Variants in DHX30 observed in about 807,000 individuals in gnomAD.
The protein encoded by DHX30 is DExH-box helicase 30, also known as ATP-dependent RNA helicase DHX30.
DHX30 carries 4 observed loss-of-function variants against 116.9 expected under a neutral mutation model. That is an observed-to-expected ratio of 0.03 (90% CI 0.02 to 0.08). DHX30 has a LOEUF of 0.08. Among genes scored for constraint, DHX30 ranks in the 10% least tolerant of loss-of-function variants. The pLI is 1.00. For missense variants in DHX30, 871 were observed against 1,595.1 expected (o/e 0.55, Z 7.73); for synonymous variants, 697 against 651.7 (o/e 1.07, Z -1.06).
chr3:47,848,793 A>G lies in DHX30; in HGVS notation c.2745A>G (p.Leu915=), dbSNP rs2037741457. The change falls in exon 17 of 22, where the codon CTA becomes CTG. Residue 915 remains leucine (L), a synonymous_variant. Transcript: ENST00000445061. The surrounding 1 kb of genome is among the most constrained non-coding windows in gnomAD (Gnocchi z 9.4). Reference sequence around the variant, plus strand: ...CCCGGGACCCCTTCAGCAGCAGCCTACAGAACCGGGCAGAGGTGGACAAGG... The same window carrying G: ...CCCGGGACCCCTTCAGCAGCAGCCTGCAGAACCGGGCAGAGGTGGACAAGG... ...CLTRDPFSSS[L]QNRAEVDKVK... is the part of the protein sequence containing the mutation. 6.2e-7 allele frequency: 1 copy of G among 1,613,516 alleles called. No homozygotes were observed. The highest frequency in any genetic ancestry group is 1.3e-5 in the African/African-American group (1 of 74,880).
intron 2 of DHX30, among the ~76,000 whole-genome samples, chr3:47,807,768 AT>A (rs932984069): frequency 1.3e-4 from 19 of 147,402 alleles, no homozygotes; most frequent in South Asian, 2.1e-4. Flanking sequence ...TAACTTACAA[AT>A]TTTTTTTTTA....
chr3:47,842,825 C>T lies in DHX30; in HGVS notation c.790-281C>T, dbSNP rs577508218. 26 of 332,804 alleles carry T rather than the reference C, an allele frequency of 7.8e-5. 1 individual carries two copies. In the South Asian group the frequency reaches 1.1e-3, roughly 14 times the overall value. The allele number at this position is 332,804 out of a possible 1,614,324, so 20.6% of individuals were successfully genotyped here. A position where few individuals can be genotyped will look rare whatever the true frequency, so the allele number is the denominator to read the frequency against. ...CAACCCACAGCTGCCACGATGTTGC[C>T]GAGATGACAGTGGGCTAGGAGGGCA... On this transcript the variant is annotated intron_variant, in intron 8 of 21. Coordinates refer to ENST00000445061, the MANE Select transcript of DHX30 (RefSeq NM_138615.3).
chr3:47,819,646 T>C (rs1275482415), intron 4 of DHX30, among the ~76,000 whole-genome samples: 1 of 152,184 alleles, frequency 6.6e-6, no homozygotes, highest in Non-Finnish European at 1.5e-5. Context: ...AGGAGATGTG[T>C]TGCAGCAACA....
chr3:47,849,897 G>A lies in DHX30; in HGVS notation c.3362G>A (p.Ser1121Asn), dbSNP rs770438851. 2 of 1,613,510 alleles carry A rather than the reference G, an allele frequency of 1.2e-6. No individual in the cohort carries two copies. Among genetic ancestry groups the A allele is most frequent in the South Asian group, 2.2e-5 (2 of 91,024 alleles). ...GGGCGCCGGGCCACCATCTCACTGA[G>A]CGACAGTGACCTGCTGCGGCTGGAG... is the stretch of plus-strand genomic sequence containing the variant. ...DDGRRATISL[S>N]DSDLLRLEGD... Residue 1121 changes from serine to asparagine, a missense_variant, in exon 22 of 22, where the codon AGC becomes AAC. By Grantham distance (46) the Ser-to-Asn change is conservative. Around this residue, in one of 13 missense-constraint regions of DHX30, gnomAD observed 238 missense variants for 481.0 expected, o/e 0.49. Transcript: ENST00000445061.
Position 47,841,060 on chromosome 3 carries a change from T to G in DHX30, c.550T>G (p.Ser184Ala). The change falls in exon 7 of 22, where the codon TCT (serine) becomes GCT (alanine). Residue 184 changes from serine to alanine, a missense_variant. By Grantham distance (99) the Ser-to-Ala change is moderately conservative. This residue lies in a region of DHX30 where 109 missense variants were observed against 118.8 expected (regional missense o/e 0.92). Coordinates refer to ENST00000445061, the MANE Select transcript of DHX30 (RefSeq NM_138615.3). Reference protein sequence around the residue: ...RPGGPGGLSRSLGREEEEDEE... With the variant: ...RPGGPGGLSRALGREEEEDEE... ...AGGGGGACCTGGGGGCCTATCCCGC[T>G]CTTTAGGCCGGGAAGAAGAGGAGGA... 1 of 1,614,096 alleles carries G rather than the reference T, an allele frequency of 6.2e-7. No homozygotes were observed. The highest frequency in any genetic ancestry group is 8.5e-7 in the Non-Finnish European group (1 of 1,180,020).
At chr3:47,839,573 C>T (rs1055993743) in intron 6 of DHX30, among the ~76,000 whole-genome samples, 2 of 151,804 alleles carry the variant, frequency 1.3e-5, no homozygotes, top group Non-Finnish European at 2.9e-5. Context: ...GGATTACATG[C>T]GTGAGCCACC....
At chr3:47,829,309 TA>T (rs1174464906) in intron 6 of DHX30, among the ~76,000 whole-genome samples, 175 bp downstream of exon 6, 20 of 33,062 alleles carry the variant, frequency 6.0e-4, no homozygotes, top group African/African-American at 1.3e-3. Flanking sequence ...TATATATATA[TA>T]TATATTTTTT....
chr3:47,817,849 C>A lies in DHX30; in HGVS notation c.29-173C>A, dbSNP rs2036127211. Among the ~76,000 whole-genome samples the A allele has an allele frequency of 2.6e-5, 4 of 152,282 alleles. No homozygotes were observed. The South Asian group carries it at 8.3e-4, about 32-fold the overall frequency. On this transcript the variant is annotated intron_variant, in intron 3 of 21. Transcript: ENST00000445061. ...TCACATCATATGAGACGCTTGCCTT[C>A]TTCCTGTGTGGCGTTGTTAGTGCTG...
At chr3:47,809,984 C>T (rs1277336225) in intron 2 of DHX30, among the ~76,000 whole-genome samples, 1 of 152,078 alleles carries the variant, frequency 6.6e-6, no homozygotes, top group African/African-American at 2.4e-5. Flanking sequence ...TAAGTATAGT[C>T]CTCAGTTAAA....
rs754726888 is a variant in DHX30 at position 47,843,135 on chromosome 3, C to A, written c.819C>A (p.Thr273=). ...TCATGCAGTTCCATACTGTGGGCAC[C>A]AAGACCAAGCTGTCTACACTCACCC... The part of the protein sequence containing the change: ...KNLMQFHTVG[T]KTKLSTLTLL... Residue 273 remains threonine, a synonymous_variant, in exon 9 of 22, where the codon ACC becomes ACA. Transcript: ENST00000445061. 1.2e-6 allele frequency: 2 copies of A among 1,614,260 alleles called. No individual in the cohort carries two copies. Among genetic ancestry groups the A allele is most frequent in the Non-Finnish European group, 1.7e-6 (2 of 1,180,044 alleles).
At chr3:47,812,066 A>AG (rs2035816054) in intron 3 of DHX30, among the ~76,000 whole-genome samples, 1 of 148,782 alleles carries the variant, frequency 6.7e-6, no homozygotes, top group Admixed American at 6.7e-5. Flanking sequence ...TCAGTCTCAA[A>AG]AAAAAAAAAA....
chr3:47,829,522 T>G (rs2036736645), intron 6 of DHX30, among the ~76,000 whole-genome samples: 1 of 151,352 alleles, frequency 6.6e-6, no homozygotes, highest in Non-Finnish European at 1.5e-5. Context: ...ATTTGTATTT[T>G]TAGTAGAGAG....
intron 3 of DHX30, chr3:47,816,122 A>T (rs1559690766): frequency 3.0e-6 from 3 of 984,282 alleles, no homozygotes; most frequent in Non-Finnish European, 3.6e-6. Context: ...GTCTGCTGTA[A>T]CTCTATGTAT....
intron 6 of DHX30, among the ~76,000 whole-genome samples, chr3:47,834,532 C>T (rs1386632758): frequency 1.3e-5 from 2 of 151,972 alleles, no homozygotes; most frequent in Non-Finnish European, 2.9e-5. Context: ...TGCAGTGGTG[C>T]GATCATGGCT....
intron 6 of DHX30, among the ~76,000 whole-genome samples, chr3:47,835,547 C>A (rs1450675129): frequency 6.7e-6 from 1 of 149,404 alleles, no homozygotes; most frequent in Non-Finnish European, 1.5e-5. Flanking sequence ...TCAGGTGGTC[C>A]ACCCGCCTCA....
In DHX30 at chr3:47,848,066, G is replaced by A. The variant is rs77286298; in HGVS notation, c.2286+110G>A. ...CTGCTTTGTGTGTCTTCAGAAGGCCGCGCTTGTGGGGTCTCAGTGTTCCTG... is the reference window on the plus strand; with the variant it reads ...CTGCTTTGTGTGTCTTCAGAAGGCCACGCTTGTGGGGTCTCAGTGTTCCTG... On this transcript the variant is annotated intron_variant, in intron 14 of 21. Coordinates refer to ENST00000445061, the MANE Select transcript of DHX30 (RefSeq NM_138615.3). The surrounding 1 kb of genome is among the most constrained non-coding windows in gnomAD (Gnocchi z 9.4). 7.0e-6 allele frequency: 11 copies of A among 1,578,704 alleles called. No homozygotes were observed. The highest frequency in any genetic ancestry group is 1.7e-5 in the Admixed American group (1 of 59,090).
chr3:47,823,443 A>G (rs1430035221), intron 4 of DHX30, among the ~76,000 whole-genome samples: 1 of 149,256 alleles, frequency 6.7e-6, no homozygotes, highest in Non-Finnish European at 1.5e-5. Context: ...GGCTCACTGC[A>G]ACCTCCGCCT....
intron 2 of DHX30, among the ~76,000 whole-genome samples, chr3:47,808,151 C>G (rs1222281444): frequency 1.3e-5 from 2 of 151,572 alleles, no homozygotes; most frequent in Non-Finnish European, 2.9e-5. Context: ...CTCAGGTGAT[C>G]TGCTTGCCTC....
intron 4 of DHX30, among the ~76,000 whole-genome samples, chr3:47,820,520 C>T (rs982621596): frequency 6.6e-6 from 1 of 152,094 alleles, no homozygotes; most frequent in African/African-American, 2.4e-5. Context: ...GCTGAGACTC[C>T]TGGTTTCTTT....
Sources: gnomAD v4.1 joint callset for allele counts (sites outside exome capture counted in the v4.1 genomes callset) on GRCh38, gnomAD v4.1.1 for gene constraint, gnomAD v4.1.1 regional missense constraint, Gnocchi (gnomAD v3.1) non-coding constraint, MANE v1.5 for transcripts, NCBI Gene and HGNC (gene_info 2026-07-23, HGNC 2026-07-21) for gene names.